Variants in SPEN observed in about 807,000 individuals in gnomAD.
The protein encoded by SPEN is msx2-interacting protein.
In SPEN, 18 loss-of-function variants were observed where a neutral mutation model predicts 269.9. The observed-to-expected ratio is 0.07, with a 90% CI of 0.05 to 0.10. The LOEUF (loss-of-function observed/expected upper bound fraction) is 0.10, where lower values mean the gene tolerates loss of function less well. Ranked by LOEUF, SPEN falls within the 10% of genes least tolerant of loss-of-function variation. The pLI is 1.00. For missense variants in SPEN, 3,822 were observed against 4,631.2 expected, an observed-to-expected ratio of 0.83 and a Z score of 5.07; for synonymous variants, 1,726 against 1,765.7, an observed-to-expected ratio of 0.98 and a Z score of 0.56.
chr1:15,858,628 T>C (rs35514973), intron 1 of SPEN, among the ~76,000 whole-genome samples: 36,920 of 152,144 alleles, frequency 0.24, 5,261 homozygotes, highest in South Asian at 0.43. Flanking sequence ...TATATTTGGA[T>C]GATCAGTTGG....
rs758979720 is a variant in SPEN, at chr1:15,928,099, G to A, written c.1859G>A (p.Arg620Gln). 3 of 1,592,692 alleles carry A rather than the reference G, an allele frequency of 1.9e-6. No homozygotes were observed. In the South Asian group the frequency reaches 3.4e-5, roughly 18 times the overall value. The change falls in exon 11 of 15, where the codon CGA becomes CAA. Residue 620 changes from arginine (R) to glutamine (Q), a missense_variant. Coordinates refer to ENST00000375759, the MANE Select transcript of SPEN (RefSeq NM_015001.3). The surrounding 1 kb of genome is among the most constrained non-coding windows in gnomAD (Gnocchi z 5.7). ...TTGTTATTTTTTGGCAGAGAGGAAC[G>A]AAGGGCATCCTACGACTATAACCAA... ...YEMLAERREE[R>Q]RASYDYNQDR...
chr1:15,921,133 C>G, intron 9 of SPEN, 150 bp downstream of exon 9: 3 of 421,794 alleles, frequency 7.1e-6, no homozygotes, highest in Non-Finnish European at 4.3e-6. Flanking sequence ...CGAGACCAGC[C>G]TGATGAACAT....
At chr1:15,893,254 A>G (rs1040651278) in intron 3 of SPEN, among the ~76,000 whole-genome samples, 4 of 152,206 alleles carry the variant, frequency 2.6e-5, no homozygotes, top group Non-Finnish European at 5.9e-5. Context: ...AATAATACAC[A>G]TCTGTGTTGC....
chr1:15,916,251 A>G lies in SPEN; in HGVS notation c.1367A>G (p.Asn456Ser), dbSNP rs1048181999. ...EKTTTYHDLR[N>S]IFQRFGEIVD... ...ACCACTACTTACCATGACCTTCGCAACATCTTCCAGCGCTTTGGAGAAATT... is the reference window on the plus strand; with the variant it reads ...ACCACTACTTACCATGACCTTCGCAGCATCTTCCAGCGCTTTGGAGAAATT... The change falls in exon 6 of 15, where the codon AAC (asparagine) becomes AGC (serine). Residue 456 changes from asparagine (N) to serine (S), a missense_variant. Transcript: ENST00000375759. 1 of 1,612,960 alleles carries G rather than the reference A, an allele frequency of 6.2e-7. No homozygotes were observed. The highest frequency in any genetic ancestry group is 1.3e-5 in the African/African-American group (1 of 74,898).
chr1:15,925,669 G>A (rs1435627107), intron 10 of SPEN, among the ~76,000 whole-genome samples: 2 of 151,316 alleles, frequency 1.3e-5, no homozygotes, highest in African/African-American at 4.9e-5. Flanking sequence ...CCTCAAGCAG[G>A]CCTCCCAAAG....
chr1:15,849,262 C>T (rs1553173268), intron 1 of SPEN, among the ~76,000 whole-genome samples: 2 of 152,228 alleles, frequency 1.3e-5, no homozygotes, highest in Non-Finnish European at 2.9e-5. Flanking sequence ...CTTTTAATTT[C>T]CCTTACTATG....
At chr1:15,936,446 G>C (rs1026355020) in intron 11 of SPEN, among the ~76,000 whole-genome samples, 180 bp downstream of exon 11, 12 of 151,554 alleles carry the variant, frequency 7.9e-5, no homozygotes, top group Non-Finnish European at 1.6e-4. Context: ...TTCGAGACCA[G>C]CCTGGGCAAC....
chr1:15,851,807 A>T (rs1557731233), intron 1 of SPEN, among the ~76,000 whole-genome samples: 1 of 151,744 alleles, frequency 6.6e-6, no homozygotes, highest in Non-Finnish European at 1.5e-5. Context: ...ACATGGTAAA[A>T]CCCCGTCTCT....
At chr1:15,889,924 A>G (rs2070773179) in intron 3 of SPEN, among the ~76,000 whole-genome samples, 1 of 152,088 alleles carries the variant, frequency 6.6e-6, no homozygotes, top group Non-Finnish European at 1.5e-5. Context: ...CATGCTGGCC[A>G]GGCTGGTCTC....
At position 15,861,134 on chromosome 1, in the gene SPEN, C is replaced by CT. The variant is rs1169274095; in HGVS notation, c.84-11666dup. Among the ~76,000 whole-genome samples the CT allele has an allele frequency of 5.9e-3, 806 of 136,064 alleles. 8 individuals carry two copies. Among genetic ancestry groups the CT allele is most frequent in the African/African-American group, 0.015 (556 of 37,064 alleles). 89.3% of individuals were successfully genotyped at this position (136,064 alleles called of 152,430 possible). ...TCATCACATTGGTCAGGCTGAGTGA[C>CT]TTTTTTTTTTTTTTTTGAGACGGAA... is the stretch of plus-strand genomic sequence containing the variant. On this transcript the variant is annotated intron_variant, in intron 1 of 14. Coordinates refer to ENST00000375759, the MANE Select transcript of SPEN (RefSeq NM_015001.3).
rs1168339377 is a variant in SPEN, at chr1:15,929,952, T to G, written c.3712T>G (p.Cys1238Gly). ...KRMDHVDFDI[C>G]TKRERNYRSS... is the part of the protein sequence containing the mutation. ...GATGGATCATGTCGATTTTGATATC[T>G]GCACCAAGCGAGAACGGAATTACAG... Residue 1238 changes from cysteine to glycine, a missense_variant, in exon 11 of 15, where the codon TGC becomes GGC. Around this residue, in one of 16 missense-constraint regions of SPEN, gnomAD observed 267 missense variants for 315.5 expected, o/e 0.85. Transcript: ENST00000375759. This position sits in a 1 kb window ranked among gnomAD's most constrained non-coding sequence, Gnocchi z 5.8. The G allele has an allele frequency of 6.2e-6, 10 of 1,614,036 alleles. No homozygotes were observed. Among genetic ancestry groups the G allele is most frequent in the Non-Finnish European group, 7.6e-6 (9 of 1,180,058 alleles).
chr1:15,905,584 C>G (rs1277635073), intron 3 of SPEN, among the ~76,000 whole-genome samples: 2 of 149,776 alleles, frequency 1.3e-5, no homozygotes, highest in Non-Finnish European at 3.0e-5. Flanking sequence ...TTTCTTTTTT[C>G]TTTTTTTGAG....
rs752587455 is a variant in SPEN at position 15,876,349 on chromosome 1, C to T, written c.552C>T (p.Tyr184=). The change falls in exon 3 of 15, where the codon TAC becomes TAT. Residue 184 remains tyrosine (Y), a synonymous_variant. Transcript: ENST00000375759. ...GGACTTTACAACATGGGCTCTATTA[C>T]GCTTCTCGGAGTCGAAGTCCAAATC... is the stretch of plus-strand genomic sequence containing the variant. ...RERTLQHGLY[Y]ASRSRSPNRF... 1.2e-5 allele frequency: 20 copies of T among 1,613,952 alleles called. No individual in the cohort carries two copies. Among genetic ancestry groups the T allele is most frequent in the African/African-American group, 5.3e-5 (4 of 74,886 alleles).
intron 7 of SPEN, 103 bp from the exon 8 acceptor site, chr1:15,919,301 G>T: frequency 1.3e-6 from 1 of 785,020 alleles, no homozygotes; most frequent in South Asian, 1.9e-5. Context: ...TTGAGATGTT[G>T]ATTTGATAAG....
chr1:15,859,905 CTT>C (rs34195453), intron 1 of SPEN, among the ~76,000 whole-genome samples: 6 of 79,618 alleles, frequency 7.5e-5, no homozygotes, highest in African/African-American at 2.7e-4. Context: ...CAGTTAACAT[CTT>C]TTTTTTTTTT....
intron 3 of SPEN, among the ~76,000 whole-genome samples, chr1:15,883,807 CTTT>C (rs36018800): frequency 1.3e-4 from 9 of 69,534 alleles, no homozygotes; most frequent in Admixed American, 2.1e-4. Context: ...ATTTAAGATT[CTTT>C]TTTTTTTTTT....
At chr1:15,925,132 C>T (rs888383620) in intron 10 of SPEN, among the ~76,000 whole-genome samples, 2 of 152,200 alleles carry the variant, frequency 1.3e-5, no homozygotes, top group African/African-American at 4.8e-5. Flanking sequence ...CTCTAATACT[C>T]TGTCAGGTAA....
rs2070301900 is a variant in SPEN at position 15,848,645 on chromosome 1, G to GA, written c.83+499dup. Among the ~76,000 whole-genome samples the GA allele has an allele frequency of 6.6e-6, 1 of 152,200 alleles. No homozygotes were observed. The highest frequency in any genetic ancestry group is 1.5e-5 in the Non-Finnish European group (1 of 68,034). On this transcript the variant is annotated intron_variant, in intron 1 of 14. Coordinates refer to ENST00000375759, the MANE Select transcript of SPEN (RefSeq NM_015001.3). The surrounding 1 kb of genome is among the most constrained non-coding windows in gnomAD (Gnocchi z 5.1). ...TTCCGTGCGAAGGGAAAGGCGGTGCGAAAACAGAAGTCGCAGTAGGTACTG... is the reference window on the plus strand; with the variant it reads ...TTCCGTGCGAAGGGAAAGGCGGTGCGAAAAACAGAAGTCGCAGTAGGTACTG...
At chr1:15,855,206 G>T (rs1343243141) in intron 1 of SPEN, among the ~76,000 whole-genome samples, 1 of 152,144 alleles carries the variant, frequency 6.6e-6, no homozygotes, top group East Asian at 1.9e-4. Context: ...TGCAAGGGTT[G>T]CATGTGCCTG....
Sources: allele counts gnomAD v4.1 joint callset (sites outside exome capture counted in the v4.1 genomes callset), GRCh38; gene constraint gnomAD v4.1.1; regional missense constraint gnomAD v4.1.1; non-coding constraint Gnocchi (gnomAD v3.1); transcripts MANE v1.5; gene names NCBI Gene and HGNC (gene_info 2026-07-23, HGNC 2026-07-21).